The following PARP15 variants were observed in gnomAD, a reference collection of about 807,000 sequenced individuals.
PARP15 encodes the protein poly(ADP-ribose) polymerase family member 15.
PARP15 carries 50 observed loss-of-function variants against 62.1 expected under a neutral mutation model. The ratio of observed to expected loss-of-function variants is 0.81; its 90% confidence interval spans 0.64 to 1.02. The LOEUF is 1.02. Among genes scored for constraint, PARP15 ranks in the 50% least tolerant of loss-of-function variants. The pLI is 0.00. For missense variants in PARP15, 820 were observed against 826.5 expected (o/e 0.99, Z 0.10); for synonymous variants, 309 against 293.1 (o/e 1.05, Z -0.55).
At chr3:122,621,835 GT>G (rs1936370842) in intron 8 of PARP15, among the ~76,000 whole-genome samples, 1 of 152,146 alleles carries the variant, frequency 6.6e-6, no homozygotes, top group Non-Finnish European at 1.5e-5. Flanking sequence ...GTCTCACTCT[GT>G]TGCCCAGGCT....
chr3:122,617,568 C>T (rs1402809306), intron 6 of PARP15, among the ~76,000 whole-genome samples: 2 of 152,260 alleles, frequency 1.3e-5, no homozygotes, highest in East Asian at 3.9e-4. Flanking sequence ...TAGAACTCAC[C>T]TTCGGTAGCT....
intron 1 of PARP15, among the ~76,000 whole-genome samples, chr3:122,603,832 A>C (rs1159000215): frequency 6.6e-6 from 1 of 152,258 alleles, no homozygotes; most frequent in Admixed American, 6.5e-5. Context: ...CTGCCAAAGC[A>C]TAGACTGAAA....
chr3:122,596,125 G>A (rs1162623305), intron 1 of PARP15, among the ~76,000 whole-genome samples: 2 of 152,050 alleles, frequency 1.3e-5, no homozygotes, highest in African/African-American at 4.8e-5. Context: ...TTGGGAGGCC[G>A]AGGCAGGTGG....
intron 1 of PARP15, among the ~76,000 whole-genome samples, chr3:122,600,827 A>G (rs960995910): frequency 1.3e-5 from 2 of 150,002 alleles, no homozygotes; most frequent in Admixed American, 6.6e-5. Context: ...TTGTTTTTAG[A>G]GTAGTTTTAG....
At chr3:122,610,025 T>C (rs17208718) in intron 2 of PARP15, among the ~76,000 whole-genome samples, 11,407 of 152,278 alleles carry the variant, frequency 0.075, 533 homozygotes, top group Non-Finnish European at 0.11. Flanking sequence ...TCTTTTGGTA[T>C]ATTGTTAAAT....
Position 122,622,622 on chromosome 3 carries a change from C to T in PARP15, c.1231+1011C>T, listed in dbSNP as rs140689763. ...GAAATGCCGTTACCTAGGCTCTGTG[C>T]AAGGCACTGGGGAGAAAATCATGAG... On this transcript the variant is annotated intron_variant, in intron 8 of 11. Coordinates refer to ENST00000464300, the MANE Select transcript of PARP15 (RefSeq NM_001113523.3). Among the ~76,000 whole-genome samples, 766 of 152,338 alleles carry T rather than the reference C, an allele frequency of 5.0e-3. 8 individuals are homozygous for T. Among genetic ancestry groups the T allele is most frequent in the African/African-American group, 0.017 (726 of 41,578 alleles).
intron 1 of PARP15, among the ~76,000 whole-genome samples, chr3:122,584,573 C>CTTTTTTTTTTTTTTTTTTT (rs377394521): frequency 2.2e-5 from 3 of 136,908 alleles, no homozygotes; most frequent in East Asian, 2.1e-4. Flanking sequence ...CCATTTCTTT[C>CTTTTTTTTTTTTTTTTTTT]CTTTTTTTTT....
At chr3:122,583,683 CTT>C (rs1279985851) in intron 1 of PARP15, among the ~76,000 whole-genome samples, 7 of 152,182 alleles carry the variant, frequency 4.6e-5, no homozygotes, top group Non-Finnish European at 1.0e-4. Flanking sequence ...GCAGAGTGAT[CTT>C]TAATCTATAA....
chr3:122,638,735 T>C lies in PARP15; in HGVS notation c.*2635T>C, dbSNP rs540506472. The C allele has an allele frequency of 1.3e-5, 2 of 152,332 alleles. No homozygotes were observed. Among genetic ancestry groups the C allele is most frequent in the South Asian group, 4.1e-4 (2 of 4,832 alleles). The allele number at this position is 152,332 out of a possible 1,614,324, so 9.4% of individuals were successfully genotyped here. On this transcript the variant is annotated 3_prime_UTR_variant, in exon 12 of 12. Transcript: ENST00000464300. ...AGATGAGTAGATTGCAAAAATTTTCTCCCATTCTGTAGGTTGCCTGTTCAC... is the reference window on the plus strand; with the variant it reads ...AGATGAGTAGATTGCAAAAATTTTCCCCCATTCTGTAGGTTGCCTGTTCAC...
In PARP15 at chr3:122,610,410, A is replaced by G. The variant is rs1935475849; in HGVS notation, c.307-84A>G. The G allele has an allele frequency of 2.4e-6, 3 of 1,225,226 alleles. No homozygotes were observed. The East Asian group carries it at 7.6e-5, about 31-fold the overall frequency. 75.9% of individuals were successfully genotyped at this position (1,225,226 alleles called of 1,614,324 possible). The stretch of plus-strand genomic sequence containing the variant: ...GACAGGCAAAACATATCTGTACATT[A>G]CCCCACAATACTTAGTAAATTTACA... On this transcript the variant is annotated intron_variant, in intron 2 of 11. Coordinates refer to ENST00000464300, the MANE Select transcript of PARP15 (RefSeq NM_001113523.3).
In PARP15 at chr3:122,632,694, C is replaced by T. The variant is rs146294704; in HGVS notation, c.1572+475C>T. ...TTTCTCATTCACAACCCATAGAAGA[C>T]AACTGTGTCCTGTCCCGCAGTTACT... On this transcript the variant is annotated intron_variant, in intron 10 of 11. Coordinates refer to ENST00000464300, the MANE Select transcript of PARP15 (RefSeq NM_001113523.3). Among the ~76,000 whole-genome samples, 109 of 152,334 alleles carry T rather than the reference C, an allele frequency of 7.2e-4. No individual in the cohort carries two copies. The East Asian group carries it at 7.5e-3, about 10-fold the overall frequency.
chr3:122,594,197 A>G (rs1269327532), intron 1 of PARP15, among the ~76,000 whole-genome samples: 2 of 152,150 alleles, frequency 1.3e-5, no homozygotes, highest in African/African-American at 4.8e-5. Context: ...GCTATATGAC[A>G]TGGCTGTTGT....
At chr3:122,603,103 G>T (rs1934920559) in intron 1 of PARP15, among the ~76,000 whole-genome samples, 1 of 152,140 alleles carries the variant, frequency 6.6e-6, no homozygotes, top group Non-Finnish European at 1.5e-5. Context: ...GCCCATTTCT[G>T]TGTCCCAGTG....
intron 1 of PARP15, among the ~76,000 whole-genome samples, chr3:122,578,065 T>C (rs2332241): frequency 0.22 from 32,683 of 149,644 alleles, 3,663 homozygotes; most frequent in South Asian, 0.28. Context: ...TTTTTTTTTT[T>C]CCCTTAAAAT....
At chr3:122,580,593 A>G (rs1011938166) in intron 1 of PARP15, among the ~76,000 whole-genome samples, 1 of 152,188 alleles carries the variant, frequency 6.6e-6, no homozygotes, top group Non-Finnish European at 1.5e-5. Context: ...ATCTTGCAAA[A>G]CTGAAACAGT....
chr3:122,617,987 C>T (rs1936099175), intron 6 of PARP15, among the ~76,000 whole-genome samples: 1 of 152,196 alleles, frequency 6.6e-6, no homozygotes, highest in Non-Finnish European at 1.5e-5. Flanking sequence ...CTGTCTTGGC[C>T]TCCCTAAGTG....
At chr3:122,599,999 A>T (rs1934668043) in intron 1 of PARP15, among the ~76,000 whole-genome samples, 1 of 152,246 alleles carries the variant, frequency 6.6e-6, no homozygotes, top group Non-Finnish European at 1.5e-5. Context: ...TATAATTATC[A>T]AATTAAGAAC....
chr3:122,577,884 G>A (rs1192455892), intron 1 of PARP15, 31 bp downstream of exon 1: 39 of 1,514,678 alleles, frequency 2.6e-5, no homozygotes, highest in Non-Finnish European at 3.4e-5. Flanking sequence ...GTGCGGGAAG[G>A]GGACAGCAGG....
At position 122,617,120 on chromosome 3, in the gene PARP15, A is replaced by G. The variant is rs1175457195; in HGVS notation, c.956A>G (p.Asp319Gly). 2.5e-6 allele frequency: 4 copies of G among 1,614,038 alleles called. No homozygotes were observed. The highest frequency in any genetic ancestry group is 3.4e-6 in the Non-Finnish European group (4 of 1,179,896). ...ATGDIATEQV[D>G]VIVNSTARTF... ...GGAGATATAGCCACTGAACAGGTAG[A>G]TGTTATTGTAAACTCAACAGCAAGG... The change falls in exon 6 of 12, where the codon GAT (aspartate) becomes GGT (glycine). Residue 319 changes from aspartate to glycine, a missense_variant. This residue lies in a region of PARP15 where 731 missense variants were observed against 727.7 expected (regional missense o/e 1.00). Coordinates refer to ENST00000464300, the MANE Select transcript of PARP15 (RefSeq NM_001113523.3).
Sources: allele counts gnomAD v4.1 joint callset (sites outside exome capture counted in the v4.1 genomes callset), GRCh38; gene constraint gnomAD v4.1.1; regional missense constraint gnomAD v4.1.1; transcripts MANE v1.5; gene names NCBI Gene and HGNC (gene_info 2026-07-23, HGNC 2026-07-21).